The following ZNF354A variants were observed in gnomAD, a reference collection of about 807,000 sequenced individuals.
The protein encoded by ZNF354A is zinc finger protein 354A.
A neutral mutation model predicts 53.3 loss-of-function variants in ZNF354A; 25 were observed. The observed-to-expected ratio is 0.47, with a 90% CI of 0.34 to 0.66. The LOEUF is 0.66. Ranked by LOEUF, ZNF354A falls within the 30% of genes least tolerant of loss-of-function variation. ZNF354A has a pLI of 0.01. For synonymous variants in ZNF354A, 228 were observed against 249.0 expected (o/e 0.92, Z 0.79); for missense variants, 586 against 716.8 (o/e 0.82, Z 2.08).
In ZNF354A at chr5:178,725,947, A is replaced by C. The variant is rs374921522; in HGVS notation, c.161-476T>G. On this transcript the variant is annotated intron_variant, in intron 3 of 4. Transcript: ENST00000335815. ...ACTGCAACCTCCGTCTCCCGGGTTC[A>C]AGTGATTTTCCTGCCTCAGTCTCCC... is the stretch of plus-strand genomic sequence containing the variant. 499 of 262,908 alleles carry C rather than the reference A, an allele frequency of 1.9e-3. 1 individual carries two copies. The highest frequency in any genetic ancestry group is 0.011 in the African/African-American group (468 of 43,978). 16.3% of individuals were successfully genotyped at this position (262,908 alleles called of 1,614,324 possible).
chr5:178,712,935 T>C lies in ZNF354A; in HGVS notation c.943A>G (p.Ile315Val), dbSNP rs1172866812. 1.2e-6 allele frequency: 2 copies of C among 1,614,142 alleles called. No individual in the cohort carries two copies. Among genetic ancestry groups the C allele is most frequent in the Non-Finnish European group, 1.7e-6 (2 of 1,180,010 alleles). Residue 315 changes from isoleucine to valine, a missense_variant, in exon 5 of 5, where the codon ATA (isoleucine) becomes GTA (valine). Ile to Val is a conservative substitution (Grantham distance 29, BLOSUM62 3). Around this residue, in one of 2 missense-constraint regions of ZNF354A, gnomAD observed 573 missense variants for 680.1 expected, o/e 0.84. Coordinates refer to ENST00000335815, the MANE Select transcript of ZNF354A (RefSeq NM_005649.3). ...KSFSRRSGLF[I>V]HQKIHAEENP... ...TCTTCAGCATGAATTTTTTGATGTATAAAAAGGCCTGACCTTCGGCTGAAG... is the reference window on the plus strand; with the variant it reads ...TCTTCAGCATGAATTTTTTGATGTACAAAAAGGCCTGACCTTCGGCTGAAG...
chr5:178,719,686 G>T (rs1477487695), intron 4 of ZNF354A, among the ~76,000 whole-genome samples: 2 of 152,032 alleles, frequency 1.3e-5, no homozygotes, highest in African/African-American at 4.8e-5. Context: ...GGTGGCTCAC[G>T]CCTGTAATCC....
At chr5:178,717,264 G>A in intron 4 of ZNF354A, among the ~76,000 whole-genome samples, 1 of 152,042 alleles carries the variant, frequency 6.6e-6, no homozygotes, top group Non-Finnish European at 1.5e-5. Flanking sequence ...GGGCACCAGT[G>A]GAAGCAGGGA....
At chr5:178,716,807 G>A (rs1273647952) in intron 4 of ZNF354A, among the ~76,000 whole-genome samples, 1 of 152,072 alleles carries the variant, frequency 6.6e-6, no homozygotes, top group Non-Finnish European at 1.5e-5. Flanking sequence ...GGCCGGGCGT[G>A]GTGGCTCACA....
intron 1 of ZNF354A, 26 bp downstream of exon 1, chr5:178,730,530 C>A (rs906767302): frequency 6.6e-6 from 1 of 152,078 alleles, no homozygotes; most frequent in Non-Finnish European, 1.5e-5. Context: ...CGCCTCCTAC[C>A]GGCTTGGCCT....
rs181617308 is a variant in ZNF354A at position 178,719,355 on chromosome 5, T to C, written c.257-5734A>G. Reference sequence around the variant, plus strand: ...CAATACAATGTGACAATTTCTACAATAGAAACATAAGCTAGAAATGGACGT... The same window carrying C: ...CAATACAATGTGACAATTTCTACAACAGAAACATAAGCTAGAAATGGACGT... On this transcript the variant is annotated intron_variant, in intron 4 of 4. Transcript: ENST00000335815. Among the ~76,000 whole-genome samples, 8 of 152,266 alleles carry C rather than the reference T, an allele frequency of 5.3e-5. No homozygotes were observed. In the East Asian group the frequency reaches 7.7e-4, roughly 15 times the overall value.
At chr5:178,719,608 C>G (rs966939708) in intron 4 of ZNF354A, among the ~76,000 whole-genome samples, 1 of 152,194 alleles carries the variant, frequency 6.6e-6, no homozygotes, top group Non-Finnish European at 1.5e-5. Flanking sequence ...AGTATCCACC[C>G]CCACCTTATC....
chr5:178,715,424 CCTGA>C (rs1367549702), intron 4 of ZNF354A, among the ~76,000 whole-genome samples: 3 of 152,090 alleles, frequency 2.0e-5, no homozygotes, highest in Admixed American at 6.5e-5. Context: ...ACACACCCTC[CCTGA>C]CTAACTTCAC....
In ZNF354A at chr5:178,725,367, C is replaced by T. The variant is rs756756633; in HGVS notation, c.256+9G>A. ...TGCGGCCATTCCGCACCTCGGGCCA[C>T]CCACTTACCTAGAGAGGAGACGCCA... On this transcript the variant is annotated intron_variant, in intron 4 of 4. Coordinates refer to ENST00000335815, the MANE Select transcript of ZNF354A (RefSeq NM_005649.3). 4.3e-6 allele frequency: 7 copies of T among 1,613,142 alleles called. No homozygotes were observed. In the African/African-American group the frequency reaches 5.3e-5, roughly 12 times the overall value.
intron 4 of ZNF354A, among the ~76,000 whole-genome samples, chr5:178,719,872 G>A (rs1017701570): frequency 4.0e-5 from 6 of 151,642 alleles, no homozygotes; most frequent in Admixed American, 6.6e-5. Flanking sequence ...GCGTGAACCC[G>A]GGAGGCGGAG....
chr5:178,726,733 C>T (rs1765915981), intron 3 of ZNF354A, among the ~76,000 whole-genome samples: 1 of 152,178 alleles, frequency 6.6e-6, no homozygotes, highest in Admixed American at 6.5e-5. Context: ...GGAAACGATG[C>T]CTGAATCATG....
rs767005504 is a variant in ZNF354A, at chr5:178,713,068, G to A, written c.810C>T (p.Tyr270=). The stretch of plus-strand genomic sequence containing the variant: ...AGGCTTTCCCACATTCTTTACATAT[G>A]TAGGGTTTCTCTCCAGTATGCGTTA... The part of the protein sequence containing the change: ...HQITHTGEKP[Y]ICKECGKAFT... Residue 270 remains tyrosine, a synonymous_variant, in exon 5 of 5, where the codon TAC becomes TAT. Transcript: ENST00000335815. 6 of 1,613,792 alleles carry A rather than the reference G, an allele frequency of 3.7e-6. No homozygotes were observed. Among genetic ancestry groups the A allele is most frequent in the African/African-American group, 1.3e-5 (1 of 74,906 alleles).
chr5:178,712,666 G>A lies in ZNF354A; in HGVS notation c.1212C>T (p.His404=), dbSNP rs1269337783. The A allele has an allele frequency of 1.2e-6, 2 of 1,613,920 alleles. No individual in the cohort carries two copies. The highest frequency in any genetic ancestry group is 1.1e-5 in the South Asian group (1 of 91,072). Residue 404 remains histidine, a synonymous_variant, in exon 5 of 5, where the codon CAC becomes CAT. Coordinates refer to ENST00000335815, the MANE Select transcript of ZNF354A (RefSeq NM_005649.3). Reference sequence around the variant, plus strand: ...TGCATCTATAGGGCTTTTCTCCGGTGTGAATTCTTTCATGTTGAATAAGAG... The same window carrying A: ...TGCATCTATAGGGCTTTTCTCCGGTATGAATTCTTTCATGTTGAATAAGAG... ...SASLIQHERI[H]TGEKPYRCNE...
intron 4 of ZNF354A, among the ~76,000 whole-genome samples, chr5:178,715,140 TTCTC>T (rs942306000): frequency 2.8e-4 from 43 of 152,214 alleles, no homozygotes; most frequent in African/African-American, 9.9e-4. Context: ...AGATAGTAAA[TTCTC>T]TCAGGGGAAC....
chr5:178,730,136 A>AT lies in ZNF354A; in HGVS notation c.-52+419dup, dbSNP rs1476179152. Among the ~76,000 whole-genome samples, 9 of 152,196 alleles carry AT rather than the reference A, an allele frequency of 5.9e-5. No individual in the cohort carries two copies. In the East Asian group the frequency reaches 1.7e-3, roughly 30 times the overall value. ...CGCTTCGGCCTCCCAAAGTGCTGGG[A>AT]TTACAGGCGTGAGCCACCGCGCCCG... On this transcript the variant is annotated intron_variant, in intron 1 of 4. Coordinates refer to ENST00000335815, the MANE Select transcript of ZNF354A (RefSeq NM_005649.3).
chr5:178,713,906 T>A (rs989951760), intron 4 of ZNF354A, among the ~76,000 whole-genome samples: 7 of 151,608 alleles, frequency 4.6e-5, no homozygotes, highest in African/African-American at 1.7e-4. Flanking sequence ...GAGAAAAGGG[T>A]TATAAAGGGA....
chr5:178,719,609 C>T (rs770152011), intron 4 of ZNF354A, among the ~76,000 whole-genome samples: 1 of 152,192 alleles, frequency 6.6e-6, no homozygotes, highest in Non-Finnish European at 1.5e-5. Context: ...GTATCCACCC[C>T]CACCTTATCC....
intron 1 of ZNF354A, among the ~76,000 whole-genome samples, chr5:178,730,051 G>C (rs534392063): frequency 2.0e-5 from 3 of 151,910 alleles, no homozygotes; most frequent in Non-Finnish European, 4.4e-5. Context: ...ATTTTTAGTA[G>C]AGACGGGGTT....
intron 1 of ZNF354A, chr5:178,729,387 T>G (rs1403084434): frequency 3.8e-6 from 1 of 266,512 alleles, no homozygotes; most frequent in Admixed American, 5.2e-5. Flanking sequence ...ACTGCACCGC[T>G]CAGGAAACTG....
Sources: allele counts gnomAD v4.1 joint callset (sites outside exome capture counted in the v4.1 genomes callset), GRCh38; gene constraint gnomAD v4.1.1; regional missense constraint gnomAD v4.1.1; transcripts MANE v1.5; gene names NCBI Gene and HGNC (gene_info 2026-07-23, HGNC 2026-07-21).